The following MKLN1 variants were observed in gnomAD, a reference collection of about 807,000 sequenced individuals.
The protein encoded by MKLN1 is muskelin 1, also known as muskelin.
MKLN1 carries 18 observed loss-of-function variants against 99.0 expected under a neutral mutation model. That is an observed-to-expected ratio of 0.18 (90% CI 0.13 to 0.27). MKLN1 has a LOEUF of 0.27. Among genes scored for constraint, MKLN1 ranks in the 10% least tolerant of loss-of-function variants. The pLI, the probability that MKLN1 is intolerant of heterozygous loss-of-function variation, is 1.00. For synonymous variants in MKLN1, 288 were observed against 293.2 expected (o/e 0.98, Z 0.18); for missense variants, 621 against 875.9 (o/e 0.71, Z 3.67).
intron 1 of MKLN1, among the ~76,000 whole-genome samples, chr7:131,135,355 T>A (rs1332940055): frequency 6.6e-6 from 1 of 152,168 alleles, no homozygotes; most frequent in Non-Finnish European, 1.5e-5. Context: ...ACTCCTGACC[T>A]CAGGTGATCT....
intron 4 of MKLN1, among the ~76,000 whole-genome samples, chr7:131,392,977 A>G (rs13224056): frequency 1.4e-5 from 2 of 147,996 alleles, no homozygotes; most frequent in Non-Finnish European, 3.0e-5. Flanking sequence ...GCTCAGTGCA[A>G]CCTCCAGTTC....
chr7:131,310,912 G>T lies in MKLN1; in HGVS notation c.-178-64512G>T, dbSNP rs576600305. Reference sequence around the variant, plus strand: ...AGATGTTTCAATGTTGTTCACAAAGGTATTTTTACCCAATTGTTATAAAGT... The same window carrying T: ...AGATGTTTCAATGTTGTTCACAAAGTTATTTTTACCCAATTGTTATAAAGT... On this transcript the variant is annotated intron_variant, in intron 3 of 7. Transcript: ENST00000416992. The T allele has an allele frequency of 7.9e-5, 12 of 152,082 alleles. No individual in the cohort carries two copies. In the South Asian group the frequency reaches 1.0e-3, roughly 13 times the overall value. 9.4% of individuals were successfully genotyped at this position (152,082 alleles called of 1,614,324 possible).
At chr7:131,295,666 T>C (rs1417705245) in intron 3 of MKLN1, among the ~76,000 whole-genome samples, 1 of 152,104 alleles carries the variant, frequency 6.6e-6, no homozygotes, top group African/African-American at 2.4e-5. Context: ...GGAAGATCAC[T>C]TGAGCTTAGG....
intron 12 of MKLN1, among the ~76,000 whole-genome samples, chr7:131,459,876 T>G (rs946159474): frequency 2.0e-5 from 3 of 152,166 alleles, no homozygotes; most frequent in African/African-American, 7.2e-5. Context: ...TCTTCTTTCC[T>G]TCTGGTCTTT....
At chr7:131,122,454 GA>G (rs1795387353) in intron 1 of MKLN1, among the ~76,000 whole-genome samples, 1 of 152,192 alleles carries the variant, frequency 6.6e-6, no homozygotes, top group Non-Finnish European at 1.5e-5. Context: ...TGGTCAATCT[GA>G]GTCATTTTTA....
chr7:131,360,571 G>A lies in MKLN1; in HGVS notation c.99-14853G>A, dbSNP rs78203687. Among the ~76,000 whole-genome samples the A allele has an allele frequency of 7.5e-3, 1,139 of 152,128 alleles. 12 individuals are homozygous for A. Among genetic ancestry groups the A allele is most frequent in the African/African-American group, 0.026 (1,079 of 41,512 alleles). On this transcript the variant is annotated intron_variant, in intron 1 of 17. Coordinates refer to ENST00000352689, the MANE Select transcript of MKLN1 (RefSeq NM_013255.5). Reference sequence around the variant, plus strand: ...CATGTGCCATGTACCTAATATCAGAGTATTTCCTACTCTTCTCTTGTATCC... The same window carrying A: ...CATGTGCCATGTACCTAATATCAGAATATTTCCTACTCTTCTCTTGTATCC...
intron 9 of MKLN1, among the ~76,000 whole-genome samples, chr7:131,431,923 A>G (rs1234401865): frequency 6.6e-6 from 1 of 152,144 alleles, no homozygotes; most frequent in Non-Finnish European, 1.5e-5. Context: ...CTCTCCCCCT[A>G]ACTTTACCTA....
Position 131,121,638 on chromosome 7 carries a change from C to CAAAAAAAAAAAAAAAAAA in MKLN1, c.-419+11444_-419+11461dup, listed in dbSNP as rs55908773. ...TGAGTGACAGAGCAAGACTCCGTCT[C>CAAAAAAAAAAAAAAAAAA]AAAAAAAAAAAAAAAAAAAAAAAAA... On this transcript the variant is annotated intron_variant, in intron 1 of 7. Coordinates refer to the MKLN1 transcript ENST00000416992. Among the ~76,000 whole-genome samples, 17 of 72,802 alleles carry CAAAAAAAAAAAAAAAAAA rather than the reference C, an allele frequency of 2.3e-4. 1 individual carries two copies. The highest frequency in any genetic ancestry group is 9.4e-4 in the South Asian group (2 of 2,120). The allele number at this position is 72,802 out of a possible 152,430, so 47.8% of individuals were successfully genotyped here. A position where few individuals can be genotyped will look rare whatever the true frequency, so the allele number is the denominator to read the frequency against.
intron 6 of MKLN1, among the ~76,000 whole-genome samples, 156 bp from the exon 7 acceptor site, chr7:131,411,150 A>C (rs557256347): frequency 6.6e-6 from 1 of 152,354 alleles, no homozygotes; most frequent in Non-Finnish European, 1.5e-5. Context: ...GCATGAAGTG[A>C]AATTGAAGTG....
chr7:131,380,106 C>A (rs778730950), intron 2 of MKLN1, among the ~76,000 whole-genome samples: 1 of 152,122 alleles, frequency 6.6e-6, no homozygotes, highest in Non-Finnish European at 1.5e-5. Context: ...TGAGCGTGAA[C>A]CAGAAATAAT....
intron 2 of MKLN1, among the ~76,000 whole-genome samples, chr7:131,380,874 T>C (rs1372874993): frequency 3.3e-5 from 5 of 152,186 alleles, no homozygotes; most frequent in African/African-American, 1.2e-4. Flanking sequence ...CAGTTGATTC[T>C]GGTTATTCAC....
rs376672727 is a variant in MKLN1 at position 131,405,207 on chromosome 7, T to A, written c.703+5774T>A. ...CAGGATTTCTTGAGATGCCCCTTTTTTGTTACTTATCTTGAATATATATAT... is the reference window on the plus strand; with the variant it reads ...CAGGATTTCTTGAGATGCCCCTTTTATGTTACTTATCTTGAATATATATAT... On this transcript the variant is annotated intron_variant, in intron 6 of 17. Transcript: ENST00000352689. Among the ~76,000 whole-genome samples, 11 of 152,256 alleles carry A rather than the reference T, an allele frequency of 7.2e-5. No homozygotes were observed. The East Asian group carries it at 2.1e-3, about 29-fold the overall frequency.
Position 131,144,372 on chromosome 7 carries a change from C to A in MKLN1, c.-297+1431C>A, listed in dbSNP as rs1384606856. ...TGGTGGGCGCCTGTAGTCCCAGCTA[C>A]TCGGGAGGCCAAGGAAGGAGAATGG... On this transcript the variant is annotated intron_variant, in intron 2 of 7. Transcript: ENST00000416992. Among the ~76,000 whole-genome samples, 3 of 151,246 alleles carry A rather than the reference C, an allele frequency of 2.0e-5. No homozygotes were observed. In the East Asian group the frequency reaches 5.8e-4, roughly 29 times the overall value.
At chr7:131,428,775 A>C (rs1182079213) in intron 8 of MKLN1, among the ~76,000 whole-genome samples, 1 of 152,184 alleles carries the variant, frequency 6.6e-6, no homozygotes. Flanking sequence ...TGGAATCAGA[A>C]TCTTGGGACA....
chr7:131,333,024 AG>A (rs1584614762), intron 1 of MKLN1, among the ~76,000 whole-genome samples: 1 of 152,042 alleles, frequency 6.6e-6, no homozygotes, highest in Non-Finnish European at 1.5e-5. Context: ...CCTGGCTTCA[AG>A]CAATTCTTGT....
intron 8 of MKLN1, among the ~76,000 whole-genome samples, chr7:131,421,235 A>G (rs1795182179): frequency 6.6e-6 from 1 of 152,088 alleles, no homozygotes; most frequent in African/African-American, 2.4e-5. Context: ...TTCTATTATG[A>G]CTATTAGTAG....
chr7:131,114,741 T>C (rs1795248459), intron 1 of MKLN1, among the ~76,000 whole-genome samples: 1 of 151,812 alleles, frequency 6.6e-6, no homozygotes, highest in Non-Finnish European at 1.5e-5. Flanking sequence ...AGGTTAGGAG[T>C]TCGAGACCAG....
At chr7:131,117,020 TATACTC>T (rs1795287915) in intron 1 of MKLN1, among the ~76,000 whole-genome samples, 1 of 152,130 alleles carries the variant, frequency 6.6e-6, no homozygotes, top group Admixed American at 6.5e-5. Flanking sequence ...ATCCAATAGA[TATACTC>T]ACACAGGTAT....
intron 1 of MKLN1, among the ~76,000 whole-genome samples, chr7:131,120,386 C>CA (rs1459722007): frequency 1.2e-3 from 174 of 145,062 alleles, no homozygotes; most frequent in African/African-American, 4.3e-3. Context: ...AACAAACAAA[C>CA]AAACAAAAAA....
Sources: allele counts gnomAD v4.1 joint callset (sites outside exome capture counted in the v4.1 genomes callset), GRCh38; gene constraint gnomAD v4.1.1; transcripts MANE v1.5; gene names NCBI Gene and HGNC (gene_info 2026-07-23, HGNC 2026-07-21).